ESR1: variants seen among roughly 807,000 people sequenced by gnomAD.
The protein encoded by ESR1 is estrogen receptor 1, also known as estrogen receptor.
ESR1 carries 12 observed loss-of-function variants against 52.7 expected under a neutral mutation model. That is an observed-to-expected ratio of 0.23 (90% confidence interval 0.15 to 0.37). The LOEUF (loss-of-function observed/expected upper bound fraction) is 0.37. ESR1 is among the 10% of genes least tolerant of loss of function. The pLI is 1.00. For missense variants in ESR1, 584 were observed against 779.7 expected, an observed-to-expected ratio of 0.75 and a Z score of 2.99; for synonymous variants, 305 against 316.8, an observed-to-expected ratio of 0.96 and a Z score of 0.39.
chr6:151,685,060 C>G (rs190551873), intron 1 of ESR1, among the ~76,000 whole-genome samples: 39 of 146,196 alleles, frequency 2.7e-4, no homozygotes, highest in Non-Finnish European at 4.9e-4. Context: ...AACTTAGCAA[C>G]AGAGTCTCTG....
intron 1 of ESR1, among the ~76,000 whole-genome samples, chr6:151,701,636 C>T (rs1779805234): frequency 6.6e-6 from 1 of 151,868 alleles, no homozygotes; most frequent in South Asian, 2.1e-4. Context: ...AAATACTTGC[C>T]AATGGCATCA....
At chr6:151,792,233 G>C (rs1172876210) in intron 2 of ESR1, among the ~76,000 whole-genome samples, 3 of 152,224 alleles carry the variant, frequency 2.0e-5, no homozygotes, top group Non-Finnish European at 1.5e-5. Context: ...GCACTTGCCA[G>C]AATGGAGCTT....
intron 5 of ESR1, among the ~76,000 whole-genome samples, chr6:152,043,428 A>G (rs2045966241): frequency 2.0e-5 from 3 of 152,210 alleles, no homozygotes; most frequent in African/African-American, 7.2e-5. Flanking sequence ...TATATAAATT[A>G]GAAAACTCAA....
At chr6:151,868,581 T>C (rs1719378669) in intron 2 of ESR1, among the ~76,000 whole-genome samples, 2 of 152,196 alleles carry the variant, frequency 1.3e-5, no homozygotes, top group Admixed American at 6.5e-5. Flanking sequence ...TCTGTTTCTA[T>C]GTTAGTTTGC....
intron 2 of ESR1, among the ~76,000 whole-genome samples, chr6:151,747,088 C>T (rs755675499): frequency 3.9e-5 from 6 of 152,210 alleles, no homozygotes; most frequent in South Asian, 4.1e-4. Context: ...AAAATATACA[C>T]GTATGTCTCT....
chr6:151,800,074 G>A (rs986361914), upstream of ESR1, among the ~76,000 whole-genome samples: 3 of 152,210 alleles, frequency 2.0e-5, no homozygotes, highest in African/African-American at 7.2e-5. Flanking sequence ...GAATGAACAT[G>A]TAAGTAAAAA....
chr6:152,018,195 C>T (rs1396980962), intron 5 of ESR1, among the ~76,000 whole-genome samples: 2 of 151,414 alleles, frequency 1.3e-5, no homozygotes, highest in Non-Finnish European at 2.9e-5. Flanking sequence ...TACTAAATAG[C>T]AGACTGTTTT....
intron 2 of ESR1, among the ~76,000 whole-genome samples, chr6:151,850,827 A>G (rs1279936272): frequency 6.6e-6 from 1 of 152,016 alleles, no homozygotes; most frequent in East Asian, 1.9e-4. Flanking sequence ...CCTTAAATGC[A>G]TTTTCATCCA....
chr6:151,731,532 C>G (rs987559319), intron 2 of ESR1, among the ~76,000 whole-genome samples: 2 of 152,036 alleles, frequency 1.3e-5, no homozygotes, highest in African/African-American at 4.8e-5. Context: ...AGAAATGGTG[C>G]CAGGTTCTCG....
chr6:151,780,202 T>A (rs1309591895), intron 2 of ESR1, among the ~76,000 whole-genome samples: 1 of 151,668 alleles, frequency 6.6e-6, no homozygotes, highest in Non-Finnish European at 1.5e-5. Flanking sequence ...CACCAGGGCC[T>A]GTCGGGGGGT....
At chr6:151,700,489 C>A (rs938585123) in intron 1 of ESR1, among the ~76,000 whole-genome samples, 3 of 151,958 alleles carry the variant, frequency 2.0e-5, no homozygotes, top group Non-Finnish European at 4.4e-5. Context: ...ACACAACTAC[C>A]AAAGTCTGAG....
At chr6:151,971,642 G>A (rs537062554) in intron 4 of ESR1, among the ~76,000 whole-genome samples, 9 of 152,008 alleles carry the variant, frequency 5.9e-5, no homozygotes, top group African/African-American at 2.2e-4. Context: ...AAAACCTCTG[G>A]GATACAGCAA....
chr6:151,915,937 A>T (rs770587537), intron 3 of ESR1, among the ~76,000 whole-genome samples: 12 of 152,140 alleles, frequency 7.9e-5, no homozygotes, highest in Non-Finnish European at 1.8e-4. Context: ...ATTCTGGAGC[A>T]GTATATATTT....
intron 2 of ESR1, among the ~76,000 whole-genome samples, chr6:151,702,237 TCC>T (rs974452154): frequency 2.6e-4 from 40 of 152,270 alleles, no homozygotes; most frequent in African/African-American, 8.9e-4. Flanking sequence ...TTTAAAAAAA[TCC>T]CCAAGTCTAC....
intron 4 of ESR1, among the ~76,000 whole-genome samples, chr6:151,977,927 T>C (rs1035728221): frequency 1.2e-5 from 1 of 81,152 alleles, no homozygotes; most frequent in Non-Finnish European, 2.3e-5. Flanking sequence ...CTTCTGAAAA[T>C]AACCACCATG....
In ESR1 at chr6:151,864,437, G is replaced by A. The variant is rs868849418; in HGVS notation, c.644-16218G>A. On this transcript the variant is annotated intron_variant, in intron 2 of 7. Transcript: ENST00000206249. ...GGTGATCATTAGAAAGTCAGGAAACGACAGGTGCTGGAGAGGATGTGGAGA... is the reference window on the plus strand; with the variant it reads ...GGTGATCATTAGAAAGTCAGGAAACAACAGGTGCTGGAGAGGATGTGGAGA... 6.6e-5 allele frequency among the ~76,000 whole-genome samples: 10 copies of A among 151,248 alleles called. No homozygotes were observed. The South Asian group carries it at 8.4e-4, about 13-fold the overall frequency.
chr6:151,706,277 T>C (rs1780177734), intron 2 of ESR1, among the ~76,000 whole-genome samples: 1 of 152,198 alleles, frequency 6.6e-6, no homozygotes, highest in Admixed American at 6.5e-5. Context: ...ATTGAAAAGC[T>C]CTTCATAGTT....
intron 1 of ESR1, among the ~76,000 whole-genome samples, chr6:151,825,220 C>A (rs955998352): frequency 2.0e-5 from 3 of 152,108 alleles, no homozygotes; most frequent in Non-Finnish European, 4.4e-5. Flanking sequence ...GGGGTGGCTG[C>A]CTTGGTAGAG....
downstream of ESR1, among the ~76,000 whole-genome samples, chr6:152,106,317 A>G (rs1380778475): frequency 6.6e-6 from 1 of 152,238 alleles, no homozygotes. Flanking sequence ...TATGGACTTT[A>G]GAAATACTAA....
Sources: gnomAD v4.1 joint callset for allele counts (sites outside exome capture counted in the v4.1 genomes callset) on GRCh38, gnomAD v4.1.1 for gene constraint, MANE v1.5 for transcripts, NCBI Gene and HGNC (gene_info 2026-07-23, HGNC 2026-07-21) for gene names.